The following PLPPR4 variants were observed in gnomAD, a reference collection of about 807,000 sequenced individuals.
The protein encoded by PLPPR4 is phospholipid phosphatase-related protein type 4.
Under a neutral mutation model 56.6 loss-of-function variants are expected in PLPPR4, and 24 were observed. The ratio of observed to expected loss-of-function variants is 0.42; its 90% CI spans 0.31 to 0.60. The LOEUF (loss-of-function observed/expected upper bound fraction) is 0.60, where lower values mean the gene tolerates loss of function less well. Ranked by LOEUF, PLPPR4 falls within the 20% of genes least tolerant of loss-of-function variation. The pLI, the probability that PLPPR4 is intolerant of heterozygous loss-of-function variation, is 0.13. For synonymous variants in PLPPR4, 326 were observed against 328.1 expected, an observed-to-expected ratio of 0.99 and a Z score of 0.07; for missense variants, 654 against 885.8, an observed-to-expected ratio of 0.74 and a Z score of 3.32.
rs1659870708 is a variant in PLPPR4 at position 99,300,959 on chromosome 1, A to T, written c.641A>T (p.Tyr214Phe). Residue 214 changes from tyrosine (Y) to phenylalanine (F), a missense_variant, in exon 5 of 7, where the codon TAT becomes TTT. Physicochemically the swap from Tyr to Phe is conservative, Grantham distance 22. Transcript: ENST00000370185. ...HATLAAFAAV[Y>F]VSMYFNSTLT... Reference sequence around the variant, plus strand: ...ACCCTTGCTGCCTTTGCAGCTGTGTATGTTTCGGTAAGTAACTGGTTCTTT... The same window carrying T: ...ACCCTTGCTGCCTTTGCAGCTGTGTTTGTTTCGGTAAGTAACTGGTTCTTT... The T allele has an allele frequency of 3.7e-6, 6 of 1,611,958 alleles. No individual in the cohort carries two copies. The highest frequency in any genetic ancestry group is 1.3e-5 in the African/African-American group (1 of 74,842).
chr1:99,287,946 CT>C lies in PLPPR4; in HGVS notation c.79-16del, dbSNP rs765459166. The C allele has an allele frequency of 1.3e-3, 2,060 of 1,603,386 alleles. 4 individuals are homozygous for C. Among genetic ancestry groups the C allele is most frequent in the Non-Finnish European group, 1.6e-3 (1,913 of 1,172,726 alleles). On this transcript the variant is annotated intron_variant, in intron 1 of 6. Transcript: ENST00000370185. ...ATATCAGGTAGAATAAATTGATCTT[CT>C]TTGTCCTTCATTCTTAGTTGCCTAT...
Position 99,308,922 on chromosome 1 carries a change from A to G in PLPPR4, c.*1912A>G, listed in dbSNP as rs2100816422. ...TGGGCTGGTTTTAGTACTCTGAAGG[A>G]CAAAAACAAGCAAACAAAAACCCCT... On this transcript the variant is annotated 3_prime_UTR_variant, in exon 7 of 7. Transcript: ENST00000370185. 6.5e-6 allele frequency: 1 copy of G among 152,754 alleles called. No homozygotes were observed. Among genetic ancestry groups the G allele is most frequent in the African/African-American group, 2.4e-5 (1 of 41,568 alleles). 9.5% of individuals were successfully genotyped at this position (152,754 alleles called of 1,614,324 possible). A position where few individuals can be genotyped will look rare whatever the true frequency, so the allele number is the denominator to read the frequency against.
chr1:99,278,682 A>G (rs1252923028), intron 1 of PLPPR4, among the ~76,000 whole-genome samples: 2 of 152,202 alleles, frequency 1.3e-5, no homozygotes, highest in African/African-American at 4.8e-5. Flanking sequence ...TGGTGAGTGC[A>G]AAACCAACTA....
chr1:99,287,775 C>G (rs968393867), intron 1 of PLPPR4, among the ~76,000 whole-genome samples, 190 bp from the exon 2 acceptor site: 1 of 151,940 alleles, frequency 6.6e-6, no homozygotes, highest in African/African-American at 2.4e-5. Context: ...AACATAGATG[C>G]GTAACAGGCT....
At position 99,274,368 on chromosome 1, in the gene PLPPR4, C is replaced by T. The variant is rs377626925; in HGVS notation, c.78+9697C>T. Among the ~76,000 whole-genome samples the T allele has an allele frequency of 7.2e-5, 11 of 152,104 alleles. 1 individual carries two copies. In the East Asian group the frequency reaches 1.4e-3, roughly 19 times the overall value. Reference sequence around the variant, plus strand: ...ATGGCCAAGAATTCTAAAGCAAAGACAGGCCTAGTAAATGAATTTTCTCTG... The same window carrying T: ...ATGGCCAAGAATTCTAAAGCAAAGATAGGCCTAGTAAATGAATTTTCTCTG... On this transcript the variant is annotated intron_variant, in intron 1 of 6. Coordinates refer to ENST00000370185, the MANE Select transcript of PLPPR4 (RefSeq NM_014839.5).
intron 6 of PLPPR4, among the ~76,000 whole-genome samples, chr1:99,303,691 G>A (rs1017150926): frequency 6.6e-6 from 1 of 152,186 alleles, no homozygotes; most frequent in South Asian, 2.1e-4. Flanking sequence ...AAGTACTGAA[G>A]TGTGCTATAA....
At chr1:99,271,455 G>T (rs981749575) in intron 1 of PLPPR4, among the ~76,000 whole-genome samples, 4 of 152,156 alleles carry the variant, frequency 2.6e-5, no homozygotes, top group Non-Finnish European at 4.4e-5. Flanking sequence ...GCAATGGAGA[G>T]CCCTGTCTGT....
At chr1:99,291,786 G>A (rs1659626897) in intron 2 of PLPPR4, among the ~76,000 whole-genome samples, 1 of 152,090 alleles carries the variant, frequency 6.6e-6, no homozygotes, top group Non-Finnish European at 1.5e-5. Context: ...GGTGGAGACT[G>A]GGAGGAGGAA....
intron 5 of PLPPR4, among the ~76,000 whole-genome samples, chr1:99,301,288 A>T (rs548816200): frequency 1.3e-5 from 2 of 151,834 alleles, no homozygotes; most frequent in African/African-American, 4.8e-5. Flanking sequence ...ACCCACAAAG[A>T]CATACAACGT....
intron 6 of PLPPR4, among the ~76,000 whole-genome samples, chr1:99,303,788 C>A (rs1385470527): frequency 6.6e-6 from 1 of 152,114 alleles, no homozygotes; most frequent in Non-Finnish European, 1.5e-5. Context: ...TTCTTCACTG[C>A]AGGAGAAAGG....
At chr1:99,286,087 C>T (rs1336117400) in intron 1 of PLPPR4, among the ~76,000 whole-genome samples, 1 of 152,114 alleles carries the variant, frequency 6.6e-6, no homozygotes, top group Non-Finnish European at 1.5e-5. Flanking sequence ...GTACACTGTG[C>T]CTAGTTTAGG....
chr1:99,268,936 T>C (rs1008230729), intron 1 of PLPPR4, among the ~76,000 whole-genome samples: 2 of 152,198 alleles, frequency 1.3e-5, no homozygotes, highest in Admixed American at 6.5e-5. Context: ...ACTTTTTGTT[T>C]ATTATTATAC....
intron 1 of PLPPR4, among the ~76,000 whole-genome samples, chr1:99,277,261 G>A (rs937306287): frequency 2.0e-5 from 3 of 152,244 alleles, no homozygotes; most frequent in South Asian, 4.1e-4. Context: ...AAATGCTTCA[G>A]GACTTTGATC....
chr1:99,274,433 T>C (rs1659134351), intron 1 of PLPPR4, among the ~76,000 whole-genome samples: 1 of 152,128 alleles, frequency 6.6e-6, no homozygotes. Context: ...TTGTCTAAAG[T>C]AAACTTTGTG....
At chr1:99,264,345 G>A, upstream of PLPPR4, 1 of 1,000,592 alleles carries the variant, frequency 1.0e-6, no homozygotes. Context: ...TCTCTCGCCA[G>A]AAAAACGGGG....
rs763934609 is a variant in PLPPR4, at chr1:99,306,173, A to G, written c.1311A>G (p.Pro437=). The part of the protein sequence containing the change: ...RSIEMRSSSE[P]SRVGVNGDHH... ...TAGAAATGAGGTCAAGCTCAGAGCC[A>G]TCGAGGGTAGGGGTGAATGGAGACC... Residue 437 remains proline (P), a synonymous_variant, in exon 7 of 7, where the codon CCA becomes CCG. Coordinates refer to ENST00000370185, the MANE Select transcript of PLPPR4 (RefSeq NM_014839.5). The surrounding 1 kb of genome is among the most constrained non-coding windows in gnomAD (Gnocchi z 4.0). 1.9e-6 allele frequency: 3 copies of G among 1,614,090 alleles called. No homozygotes were observed. Among genetic ancestry groups the G allele is most frequent in the East Asian group, 2.2e-5 (1 of 44,854 alleles).
At chr1:99,281,164 T>C (rs922348635) in intron 1 of PLPPR4, among the ~76,000 whole-genome samples, 1 of 152,120 alleles carries the variant, frequency 6.6e-6, no homozygotes, top group Non-Finnish European at 1.5e-5. Flanking sequence ...AAAAAACCCC[T>C]CATTTCACTG....
chr1:99,287,683 C>G (rs1039611070), intron 1 of PLPPR4, among the ~76,000 whole-genome samples: 5 of 151,950 alleles, frequency 3.3e-5, no homozygotes, highest in African/African-American at 7.3e-5. Flanking sequence ...CTACAAGACC[C>G]TTTGGAATGC....
intron 1 of PLPPR4, among the ~76,000 whole-genome samples, chr1:99,276,877 G>C (rs1051416100): frequency 2.6e-5 from 4 of 152,128 alleles, no homozygotes; most frequent in Admixed American, 2.6e-4. Flanking sequence ...ACTGTGAAAT[G>C]GATGCCTAAT....
Sources: gnomAD v4.1 joint callset for allele counts (sites outside exome capture counted in the v4.1 genomes callset) on GRCh38, gnomAD v4.1.1 for gene constraint, Gnocchi (gnomAD v3.1) non-coding constraint, MANE v1.5 for transcripts, NCBI Gene and HGNC (gene_info 2026-07-23, HGNC 2026-07-21) for gene names.